ANO3: variants seen among roughly 807,000 people sequenced by gnomAD.
ANO3 encodes anoctamin-3.
ANO3 carries 99 observed loss-of-function variants against 144.8 expected under a neutral mutation model. The ratio of observed to expected loss-of-function variants is 0.68; its 90% CI spans 0.58 to 0.81. The LOEUF is 0.81. ANO3 is among the 30% of genes least tolerant of loss of function. The pLI, the probability that ANO3 is intolerant of heterozygous loss-of-function variation, is 0.00. For synonymous variants in ANO3, 414 were observed against 392.6 expected, an observed-to-expected ratio of 1.05 and a Z score of -0.64; for missense variants, 905 against 1,202.2, an observed-to-expected ratio of 0.75 and a Z score of 3.66.
At chr11:26,224,601 G>A (rs1852218772) in intron 1 of ANO3, among the ~76,000 whole-genome samples, 1 of 152,218 alleles carries the variant, frequency 6.6e-6, no homozygotes, top group African/African-American at 2.4e-5. Flanking sequence ...TTTTTACTAT[G>A]TTGGAATGAA....
chr11:26,534,486 C>T lies in ANO3; in HGVS notation c.900C>T (p.Phe300=). ...TAATAAATAATAAAGACACCTTCTT[C>T]AGCAATGCTACTCGAAGCAGAATAG... is the stretch of plus-strand genomic sequence containing the variant. ...HFIINNKDTF[F]SNATRSRIVY... is the part of the protein sequence containing the mutation. Residue 300 remains phenylalanine (F), a synonymous_variant, in exon 9 of 27, where the codon TTC becomes TTT. Transcript: ENST00000256737. 6.2e-7 allele frequency: 1 copy of T among 1,612,808 alleles called. No individual in the cohort carries two copies. Among genetic ancestry groups the T allele is most frequent in the African/African-American group, 1.3e-5 (1 of 75,012 alleles).
intron 1 of ANO3, among the ~76,000 whole-genome samples, chr11:26,268,715 G>T (rs1217580887): frequency 6.6e-6 from 1 of 152,120 alleles, no homozygotes; most frequent in Non-Finnish European, 1.5e-5. Context: ...CCTAGTTCTA[G>T]ATCAGTGCGA....
At chr11:26,659,368 T>G (rs977077535) in intron 26 of ANO3, among the ~76,000 whole-genome samples, 6 of 151,934 alleles carry the variant, frequency 3.9e-5, no homozygotes, top group Admixed American at 3.9e-4. Context: ...TCCTGCTTTT[T>G]TTTTTTAATG....
Position 26,317,151 on chromosome 11 carries a change from A to G in ANO3, c.-3+7432A>G, listed in dbSNP as rs12290268. On this transcript the variant is annotated intron_variant, in intron 1 of 26. Coordinates refer to the ANO3 transcript ENST00000525139. ...ACTGTCGTAGCTAGTCTCAGTGTGAAATAACATGGATGCAGAGGGACAGGT... is the reference window on the plus strand; with the variant it reads ...ACTGTCGTAGCTAGTCTCAGTGTGAGATAACATGGATGCAGAGGGACAGGT... 3.1e-3 allele frequency among the ~76,000 whole-genome samples: 479 copies of G among 152,204 alleles called. 2 individuals are homozygous for G. Among genetic ancestry groups the G allele is most frequent in the African/African-American group, 0.011 (455 of 41,524 alleles).
At chr11:26,477,528 G>A (rs187129140) in intron 4 of ANO3, among the ~76,000 whole-genome samples, 65 of 152,014 alleles carry the variant, frequency 4.3e-4, no homozygotes, top group Middle Eastern at 3.4e-3. Context: ...TTGCACCTCC[G>A]CCCCCTCATA....
intron 1 of ANO3, among the ~76,000 whole-genome samples, chr11:26,417,664 A>G (rs1291387255): frequency 1.3e-5 from 2 of 151,928 alleles, no homozygotes; most frequent in Non-Finnish European, 2.9e-5. Context: ...TTTTTAAAAT[A>G]TTATAATCTA....
At chr11:26,549,841 C>A (rs1021209245) in intron 12 of ANO3, among the ~76,000 whole-genome samples, 3 of 151,758 alleles carry the variant, frequency 2.0e-5, no homozygotes, top group African/African-American at 7.3e-5. Flanking sequence ...CCTATTATTG[C>A]CTCTTCAGCA....
At chr11:26,239,852 G>C (rs1271523794) in intron 1 of ANO3, among the ~76,000 whole-genome samples, 1 of 152,166 alleles carries the variant, frequency 6.6e-6, no homozygotes, top group East Asian at 1.9e-4. Flanking sequence ...CATAATTGAA[G>C]ATTTTTACTC....
intron 1 of ANO3, among the ~76,000 whole-genome samples, chr11:26,198,621 C>T (rs1367747714): frequency 2.0e-5 from 3 of 152,122 alleles, no homozygotes; most frequent in Non-Finnish European, 2.9e-5. Flanking sequence ...AGCATTCATT[C>T]GTGTGTTTGT....
At chr11:26,234,919 C>T (rs533860091) in intron 1 of ANO3, among the ~76,000 whole-genome samples, 17 of 151,288 alleles carry the variant, frequency 1.1e-4, no homozygotes, top group South Asian at 2.1e-4. Flanking sequence ...GAAGTGCCAA[C>T]GGTGTTAAGT....
chr11:26,204,875 A>G lies in ANO3; in HGVS notation c.154+15545A>G, dbSNP rs1471731805. Among the ~76,000 whole-genome samples, 3 of 152,140 alleles carry G rather than the reference A, an allele frequency of 2.0e-5. No individual in the cohort carries two copies. The South Asian group carries it at 6.2e-4, about 31-fold the overall frequency. On this transcript the variant is annotated intron_variant, in intron 1 of 27. Coordinates refer to the ANO3 transcript ENST00000672621. ...TCTTTAGAATGTGGGAATAATTTGT[A>G]CCTTGTGTTAATCTGTTCTCATACT...
At chr11:26,450,703 T>C (rs1320138454) in intron 3 of ANO3, among the ~76,000 whole-genome samples, 1 of 152,210 alleles carries the variant, frequency 6.6e-6, no homozygotes, top group Non-Finnish European at 1.5e-5. Flanking sequence ...AAACAGAGAT[T>C]GAGCAGAATT....
intron 11 of ANO3, among the ~76,000 whole-genome samples, chr11:26,545,759 A>G (rs917984909): frequency 2.0e-5 from 3 of 151,340 alleles, no homozygotes; most frequent in Admixed American, 6.6e-5. Flanking sequence ...TTGATGTGTG[A>G]TGGGGAGTTA....
intron 1 of ANO3, among the ~76,000 whole-genome samples, chr11:26,298,158 T>C (rs1367836624): frequency 6.6e-6 from 1 of 152,206 alleles, no homozygotes; most frequent in Non-Finnish European, 1.5e-5. Flanking sequence ...TGATGTAAGC[T>C]GGAAAATAGG....
At position 26,203,313 on chromosome 11, in the gene ANO3, C is replaced by T. The variant is rs189084733; in HGVS notation, c.154+13983C>T. On this transcript the variant is annotated intron_variant, in intron 1 of 27. Coordinates refer to the ANO3 transcript ENST00000672621. Reference sequence around the variant, plus strand: ...CATACAATTCAAAATTTAGGAGAGGCAACATTGTACGCTACCTTTTTAGTG... The same window carrying T: ...CATACAATTCAAAATTTAGGAGAGGTAACATTGTACGCTACCTTTTTAGTG... Among the ~76,000 whole-genome samples, 17 of 152,152 alleles carry T rather than the reference C, an allele frequency of 1.1e-4. No homozygotes were observed. The East Asian group carries it at 3.3e-3, about 29-fold the overall frequency.
At chr11:26,575,826 T>C (rs1850971321) in intron 14 of ANO3, among the ~76,000 whole-genome samples, 1 of 152,230 alleles carries the variant, frequency 6.6e-6, no homozygotes, top group Non-Finnish European at 1.5e-5. Flanking sequence ...CTTGGGTATT[T>C]TTCTGTATTA....
At chr11:26,372,930 T>C (rs1856302870) in intron 1 of ANO3, among the ~76,000 whole-genome samples, 1 of 152,024 alleles carries the variant, frequency 6.6e-6, no homozygotes. Context: ...ATGTTTGTTA[T>C]AGATTATTTG....
At chr11:26,653,559 A>G (rs192556797) in intron 24 of ANO3, among the ~76,000 whole-genome samples, 1 of 152,176 alleles carries the variant, frequency 6.6e-6, no homozygotes, top group Admixed American at 6.5e-5. Context: ...TCACTCTAAG[A>G]GCCAAAATCC....
intron 17 of ANO3, among the ~76,000 whole-genome samples, chr11:26,612,566 C>G (rs10767560): frequency 6.7e-6 from 1 of 149,530 alleles, no homozygotes; most frequent in South Asian, 2.1e-4. Flanking sequence ...ATTCTCAGTT[C>G]GATTTATGAA....
Sources: allele counts gnomAD v4.1 joint callset (sites outside exome capture counted in the v4.1 genomes callset), GRCh38; gene constraint gnomAD v4.1.1; transcripts MANE v1.5; gene names NCBI Gene and HGNC (gene_info 2026-07-23, HGNC 2026-07-21).